RORA: variants seen among roughly 807,000 people sequenced by gnomAD.
The protein encoded by RORA is RAR related orphan receptor A.
RORA carries 7 observed loss-of-function variants against 69.5 expected under a neutral mutation model. That is an observed-to-expected ratio of 0.10 (90% CI 0.06 to 0.19). The LOEUF is 0.19. Ranked by LOEUF, RORA falls within the 10% of genes least tolerant of loss-of-function variation. The probability of loss-of-function intolerance (pLI) is 1.00; values close to 1 mark genes in which losing one functional copy is unlikely to be tolerated. For synonymous variants in RORA, 261 were observed against 240.8 expected (o/e 1.08, Z -0.78); for missense variants, 457 against 663.0 (o/e 0.69, Z 3.41).
intron 1 of RORA, among the ~76,000 whole-genome samples, chr15:60,722,473 C>T (rs573296216): frequency 3.3e-5 from 5 of 152,312 alleles, no homozygotes; most frequent in South Asian, 4.1e-4. Flanking sequence ...AGAGGACTTA[C>T]GTGCAGCTCT....
chr15:60,558,252 A>T, intron 2 of RORA: 1 of 1,612,194 alleles, frequency 6.2e-7, no homozygotes, highest in Non-Finnish European at 8.5e-7. Context: ...CAAAAGCATC[A>T]CCTGAAGACA....
At chr15:61,145,853 G>A (rs976666542) in intron 1 of RORA, among the ~76,000 whole-genome samples, 1 of 152,092 alleles carries the variant, frequency 6.6e-6, no homozygotes, top group Non-Finnish European at 1.5e-5. Context: ...TAAACTCCAG[G>A]CTATATACTG....
chr15:60,929,820 T>C (rs1892323588), intron 1 of RORA, among the ~76,000 whole-genome samples: 2 of 152,126 alleles, frequency 1.3e-5, no homozygotes, highest in Admixed American at 6.5e-5. Flanking sequence ...AGGCCTCCCC[T>C]CCAGCCCCCA....
chr15:61,210,986 G>T (rs1262463686), intron 1 of RORA, among the ~76,000 whole-genome samples: 1 of 152,236 alleles, frequency 6.6e-6, no homozygotes, highest in African/African-American at 2.4e-5. Context: ...ACTCCCGAAG[G>T]TGGTTCTCAG....
At chr15:60,791,777 A>G (rs759524653) in intron 1 of RORA, among the ~76,000 whole-genome samples, 1 of 152,250 alleles carries the variant, frequency 6.6e-6, no homozygotes, top group African/African-American at 2.4e-5. Context: ...CGCAGGAACA[A>G]CAGAGCTGGA....
At chr15:60,779,553 G>A (rs997764482) in intron 1 of RORA, among the ~76,000 whole-genome samples, 1 of 152,210 alleles carries the variant, frequency 6.6e-6, no homozygotes, top group Non-Finnish European at 1.5e-5. Flanking sequence ...AAGGGGAAAT[G>A]CTGTTTGGCA....
intron 2 of RORA, among the ~76,000 whole-genome samples, chr15:60,621,654 G>A (rs182936992): frequency 3.9e-5 from 6 of 152,246 alleles, no homozygotes; most frequent in African/African-American, 1.4e-4. Context: ...GTGGGTTGGG[G>A]AACAGTATTG....
intron 1 of RORA, among the ~76,000 whole-genome samples, chr15:61,089,432 G>A (rs1200644684): frequency 6.6e-6 from 1 of 152,102 alleles, no homozygotes; most frequent in East Asian, 1.9e-4. Context: ...ATACACATGT[G>A]CACATACATG....
intron 1 of RORA, among the ~76,000 whole-genome samples, chr15:61,113,796 C>A (rs2079027941): frequency 6.6e-6 from 1 of 152,216 alleles, no homozygotes; most frequent in African/African-American, 2.4e-5. Context: ...GTTTGTGAAG[C>A]ACTTCAGCAC....
At chr15:61,093,092 T>G (rs1190195245) in intron 1 of RORA, among the ~76,000 whole-genome samples, 1 of 152,224 alleles carries the variant, frequency 6.6e-6, no homozygotes, top group Non-Finnish European at 1.5e-5. Flanking sequence ...CTGAAGTGTT[T>G]CCTTAGATCC....
At chr15:61,134,732 G>A (rs889683712) in intron 1 of RORA, among the ~76,000 whole-genome samples, 1 of 152,052 alleles carries the variant, frequency 6.6e-6, no homozygotes, top group Non-Finnish European at 1.5e-5. Context: ...TGTCCTTGGC[G>A]CAGTATACAT....
intron 1 of RORA, among the ~76,000 whole-genome samples, chr15:61,007,029 C>T (rs546677532): frequency 2.5e-4 from 38 of 151,908 alleles, no homozygotes; most frequent in Middle Eastern, 3.4e-3. Flanking sequence ...TGCCAGTTTA[C>T]TCATCTCTCC....
chr15:60,945,023 C>T lies in RORA; in HGVS notation c.167-266337G>A, dbSNP rs569575515. Among the ~76,000 whole-genome samples, 3 of 152,114 alleles carry T rather than the reference C, an allele frequency of 2.0e-5. No individual in the cohort carries two copies. The East Asian group carries it at 5.8e-4, about 29-fold the overall frequency. On this transcript the variant is annotated intron_variant, in intron 1 of 10. Coordinates refer to ENST00000335670, the MANE Select transcript of RORA (RefSeq NM_134261.3). ...AAAGATTGAAACAAAAACAAACAGC[C>T]CACTTTGGTTTTAGAGCAGAGAAAG...
At chr15:60,931,522 C>A in intron 1 of RORA, among the ~76,000 whole-genome samples, 1 of 152,250 alleles carries the variant, frequency 6.6e-6, no homozygotes, top group East Asian at 1.9e-4. Flanking sequence ...TTTGATTACT[C>A]CTTTCTTCTC....
At chr15:60,938,245 T>C (rs1474397147) in intron 1 of RORA, among the ~76,000 whole-genome samples, 1 of 151,788 alleles carries the variant, frequency 6.6e-6, no homozygotes, top group Non-Finnish European at 1.5e-5. Flanking sequence ...ATGGGGAGAG[T>C]GATTAGAAAA....
chr15:60,964,373 C>T (rs1257494852), intron 1 of RORA, among the ~76,000 whole-genome samples: 4 of 152,112 alleles, frequency 2.6e-5, no homozygotes, highest in Admixed American at 6.6e-5. Context: ...CCCTAGGATT[C>T]GGGTATGGCT....
chr15:61,080,150 G>C (rs1320171689), intron 1 of RORA, among the ~76,000 whole-genome samples: 2 of 151,974 alleles, frequency 1.3e-5, no homozygotes, highest in Non-Finnish European at 2.9e-5. Flanking sequence ...ATTTATTCAG[G>C]GCTTCGCGCT....
intron 1 of RORA, among the ~76,000 whole-genome samples, chr15:60,730,372 C>T (rs111429593): frequency 7.8e-4 from 119 of 152,328 alleles, no homozygotes; most frequent in African/African-American, 2.7e-3. Flanking sequence ...ATGGTCTTAA[C>T]CTTTCATAGC....
chr15:61,132,322 C>G (rs766391989), intron 1 of RORA, among the ~76,000 whole-genome samples: 1 of 151,824 alleles, frequency 6.6e-6, no homozygotes, highest in African/African-American at 2.4e-5. Context: ...ATTGATAAAC[C>G]ATGACCTCCA....
Sources: gnomAD v4.1 joint callset for allele counts (sites outside exome capture counted in the v4.1 genomes callset) on GRCh38, gnomAD v4.1.1 for gene constraint, MANE v1.5 for transcripts, NCBI Gene and HGNC (gene_info 2026-07-23, HGNC 2026-07-21) for gene names.